The following KLF12 variants were observed in gnomAD, a reference collection of about 807,000 sequenced individuals.
KLF12 encodes Krueppel-like factor 12.
Under a neutral mutation model 37.8 loss-of-function variants are expected in KLF12, and 9 were observed. The ratio of observed to expected loss-of-function variants is 0.24; its 90% confidence interval spans 0.14 to 0.42. The LOEUF (loss-of-function observed/expected upper bound fraction) is 0.42. Among genes scored for constraint, KLF12 ranks in the 10% least tolerant of loss-of-function variants. The pLI is 1.00. For missense variants in KLF12, 411 were observed against 516.0 expected, an observed-to-expected ratio of 0.80 and a Z score of 1.97; for synonymous variants, 208 against 202.1, an observed-to-expected ratio of 1.03 and a Z score of -0.25.
Position 73,806,732 on chromosome 13 carries a change from C to A in KLF12, c.806+6420G>T, listed in dbSNP as rs377465335. On this transcript the variant is annotated intron_variant, in intron 5 of 7. Transcript: ENST00000377669. ...CCTCTCCAGGCCTCCGCTTCTTTAT[C>A]TGTAGGATACAGACAGTATCATGGG... Among the ~76,000 whole-genome samples, 178 of 151,490 alleles carry A rather than the reference C, an allele frequency of 1.2e-3. 1 individual carries two copies. Among genetic ancestry groups the A allele is most frequent in the African/African-American group, 4.2e-3 (172 of 41,326 alleles).
At chr13:74,200,520 G>C in the KLF12 span, among the ~76,000 whole-genome samples, 4 of 152,092 alleles carry the variant, frequency 2.6e-5, no homozygotes, top group African/African-American at 9.7e-5. Flanking sequence ...ATAGCCGGTA[G>C]AGTGGAGGGA....
At chr13:74,116,310 C>G (rs1877301325) in intron 1 of KLF12, among the ~76,000 whole-genome samples, 1 of 152,164 alleles carries the variant, frequency 6.6e-6, no homozygotes, top group South Asian at 2.1e-4. Context: ...TATTTTCTTC[C>G]TCACAAAGAA....
the KLF12 span, among the ~76,000 whole-genome samples, chr13:74,167,794 T>A: frequency 2.6e-5 from 4 of 152,218 alleles, no homozygotes; most frequent in African/African-American, 9.7e-5. Context: ...TTTCTTATTA[T>A]CAAAACAGCA....
intron 3 of KLF12, among the ~76,000 whole-genome samples, chr13:73,926,368 A>G (rs986987183): frequency 6.6e-6 from 1 of 152,192 alleles, no homozygotes; most frequent in Non-Finnish European, 1.5e-5. Flanking sequence ...AGTCCAGATG[A>G]TCGTTAGCAT....
rs368685435 is a variant in KLF12, at chr13:73,852,519, C to T, written c.124-6146G>A. On this transcript the variant is annotated intron_variant, in intron 3 of 7. Coordinates refer to ENST00000377669, the MANE Select transcript of KLF12 (RefSeq NM_007249.5). ...GATTCCGGCCAGGCACGGTGACTCA[C>T]GCCTGTAATCCCAACATTTTGGGAG... 3.7e-3 allele frequency among the ~76,000 whole-genome samples: 569 copies of T among 152,268 alleles called. 4 individuals carry two copies. The highest frequency in any genetic ancestry group is 0.013 in the African/African-American group (538 of 41,566).
intron 6 of KLF12, among the ~76,000 whole-genome samples, chr13:73,746,318 T>C (rs7327040): frequency 0.35 from 53,075 of 152,016 alleles, 10,579 homozygotes; most frequent in African/African-American, 0.54. Flanking sequence ...TGATGTAATA[T>C]CTAAATATGT....
chr13:74,069,852 G>A (rs959719864), intron 1 of KLF12, among the ~76,000 whole-genome samples: 2 of 152,314 alleles, frequency 1.3e-5, no homozygotes, highest in African/African-American at 4.8e-5. Context: ...GTCGCATCTG[G>A]TGGTCAAAGA....
intron 3 of KLF12, among the ~76,000 whole-genome samples, chr13:73,912,536 A>G (rs182683605): frequency 2.6e-5 from 4 of 152,246 alleles, no homozygotes; most frequent in Admixed American, 2.6e-4. Flanking sequence ...GATTGGAGTG[A>G]CACATCTACA....
intron 1 of KLF12, among the ~76,000 whole-genome samples, chr13:74,012,543 C>G (rs1448198617): frequency 6.6e-6 from 1 of 152,172 alleles, no homozygotes; most frequent in African/African-American, 2.4e-5. Context: ...ATGAGCACAA[C>G]TAAGTATATT....
intron 1 of KLF12, among the ~76,000 whole-genome samples, chr13:74,000,271 C>T (rs1892239883): frequency 6.6e-6 from 1 of 152,172 alleles, no homozygotes; most frequent in African/African-American, 2.4e-5. Context: ...CTCAATATCA[C>T]CTTCAACCAT....
chr13:74,148,891 T>G, the KLF12 span, among the ~76,000 whole-genome samples: 1 of 152,190 alleles, frequency 6.6e-6, no homozygotes, highest in Admixed American at 6.5e-5. Flanking sequence ...CTCGGCTCAC[T>G]GCAGCCTCCG....
At chr13:74,046,415 C>A (rs971004181) in intron 1 of KLF12, among the ~76,000 whole-genome samples, 3 of 151,896 alleles carry the variant, frequency 2.0e-5, no homozygotes, top group East Asian at 3.8e-4. Context: ...GGCTACACCA[C>A]TTAAAAATTT....
the KLF12 span, chr13:74,258,821 T>C: frequency 6.6e-6 from 1 of 152,224 alleles, no homozygotes; most frequent in Non-Finnish European, 1.5e-5. Context: ...AAGCAGACTA[T>C]GAGACCAGGA....
Position 73,690,626 on chromosome 13 carries a change from G to A in KLF12, c.*4864C>T, listed in dbSNP as rs780660071. The stretch of plus-strand genomic sequence containing the variant: ...GGCCACTCTATTTTGAACAGAACAC[G>A]AAGAGCATGCTCTGACAAAGTTGGA... On this transcript the variant is annotated 3_prime_UTR_variant, in exon 8 of 8. Coordinates refer to ENST00000377669, the MANE Select transcript of KLF12 (RefSeq NM_007249.5). The A allele has an allele frequency of 2.6e-5, 4 of 152,274 alleles. No homozygotes were observed. The highest frequency in any genetic ancestry group is 4.1e-4 in the South Asian group (2 of 4,824). 9.4% of individuals were successfully genotyped at this position (152,274 alleles called of 1,614,324 possible). A position where few individuals can be genotyped will look rare whatever the true frequency, so the allele number is the denominator to read the frequency against.
rs564631996 is a variant in KLF12 at position 73,868,834 on chromosome 13, C to T, written c.124-22461G>A. 6.6e-5 allele frequency among the ~76,000 whole-genome samples: 10 copies of T among 152,158 alleles called. 1 individual carries two copies. Among genetic ancestry groups the T allele is most frequent in the African/African-American group, 1.9e-4 (8 of 41,536 alleles). ...CCCAAATCTGACACAAACTCTTCCA[C>T]GGAACAAAAAAAGAAGAAACACATA... On this transcript the variant is annotated intron_variant, in intron 3 of 7. Coordinates refer to ENST00000377669, the MANE Select transcript of KLF12 (RefSeq NM_007249.5).
the KLF12 span, among the ~76,000 whole-genome samples, chr13:74,282,947 G>T: frequency 6.6e-6 from 1 of 151,982 alleles, no homozygotes; most frequent in African/African-American, 2.4e-5. Flanking sequence ...CTCATATTTT[G>T]ATTTTCAATG....
At chr13:74,068,443 A>C (rs1471834782) in intron 1 of KLF12, among the ~76,000 whole-genome samples, 1 of 152,252 alleles carries the variant, frequency 6.6e-6, no homozygotes, top group Non-Finnish European at 1.5e-5. Flanking sequence ...CCTGGTAAGA[A>C]GCATTAACAC....
chr13:74,080,862 T>C (rs1402130868), intron 1 of KLF12, among the ~76,000 whole-genome samples: 6 of 152,218 alleles, frequency 3.9e-5, no homozygotes, highest in Admixed American at 2.6e-4. Flanking sequence ...ATACTGGTAC[T>C]GATGAGGAAA....
the KLF12 span, among the ~76,000 whole-genome samples, chr13:74,285,421 C>G: frequency 2.6e-5 from 4 of 152,288 alleles, no homozygotes; most frequent in African/African-American, 9.6e-5. Context: ...TTTATCATTT[C>G]TCTCATAAAA....
Sources: gnomAD v4.1 joint callset for allele counts (sites outside exome capture counted in the v4.1 genomes callset) on GRCh38, gnomAD v4.1.1 for gene constraint, MANE v1.5 for transcripts, NCBI Gene and HGNC (gene_info 2026-07-23, HGNC 2026-07-21) for gene names.